DST: variants seen among roughly 807,000 people sequenced by gnomAD.
The protein encoded by DST is dystonin.
A neutral mutation model predicts 875.2 loss-of-function variants in DST; 253 were observed. That is an observed-to-expected ratio of 0.29 (90% CI 0.26 to 0.32). The LOEUF is 0.32. Among genes scored for constraint, DST ranks in the 10% least tolerant of loss-of-function variants. DST has a pLI of 1.00. For missense variants in DST, 8,287 were observed against 9,111.6 expected, an observed-to-expected ratio of 0.91 and a Z score of 3.68; for synonymous variants, 3,124 against 3,197.1, an observed-to-expected ratio of 0.98 and a Z score of 0.77.
chr6:56,594,151 T>C lies in DST; in HGVS notation c.12238A>G (p.Ile4080Val), dbSNP rs200855949. 9.2e-5 allele frequency: 145 copies of C among 1,572,218 alleles called. No individual in the cohort carries two copies. In the Middle Eastern group the frequency reaches 1.2e-3, roughly 13 times the overall value. ...AACACTTGTGCAGACTGAGTGGCTA[T>C]GATCACTGCTTGGTGCTGAGAGATG... ...KIISQHQAVI[I>V]ATQSAQVLLE... is the part of the protein sequence containing the mutation. Residue 4080 changes from isoleucine (I) to valine (V), a missense_variant, in exon 48 of 104, where the codon ATA becomes GTA. Physicochemically the swap from Ile to Val is conservative, Grantham distance 29. Coordinates refer to ENST00000680361, the MANE Select transcript of DST (RefSeq NM_001374736.1).
intron 9 of DST, among the ~76,000 whole-genome samples, chr6:56,694,038 C>CAT (rs558152876): frequency 0.022 from 3,234 of 146,818 alleles, 96 homozygotes; most frequent in African/African-American, 0.071. Flanking sequence ...TATGTGCATT[C>CAT]ATATATATAT....
Position 56,487,177 on chromosome 6 carries a change from T to C in DST, c.20974A>G (p.Asn6992Asp). The C allele has an allele frequency of 6.2e-7, 1 of 1,613,962 alleles. No individual in the cohort carries two copies. The highest frequency in any genetic ancestry group is 8.5e-7 in the Non-Finnish European group (1 of 1,179,844). Residue 6992 changes from asparagine (N) to aspartate (D), a missense_variant, in exon 87 of 104, where the codon AAC (asparagine) becomes GAC (aspartate). Around this residue, in one of 10 missense-constraint regions of DST, gnomAD observed 1,292 missense variants for 1,552.7 expected, o/e 0.83. Coordinates refer to ENST00000680361, the MANE Select transcript of DST (RefSeq NM_001374736.1). The part of the protein sequence containing the change: ...LKEKTSLADD[N>D]LKLDDMLSEL... ...CTCAGCATGTCATCCAGTTTCAGGT[T>C]GTCATCAGCCAGGGAGGTTTTCTCC... is the stretch of plus-strand genomic sequence containing the variant.
intron 10 of DST, chr6:56,670,399 C>A: frequency 3.5e-6 from 1 of 284,962 alleles, no homozygotes; most frequent in Non-Finnish European, 6.4e-6. Context: ...GGGTTTTACC[C>A]TTTTGCCAAG....
rs2099388604 is a variant in DST at position 56,714,620 on chromosome 6, C to T, written c.688-10251G>A. ...AGGTAACACCTAGCAAATCAGGGGC[C>T]ACACTTCTGAAAGTGAACCACATAA... On this transcript the variant is annotated intron_variant, in intron 5 of 103. Transcript: ENST00000680361. The surrounding 1 kb of genome is among the most constrained non-coding windows in gnomAD (Gnocchi z 4.5). 6.6e-6 allele frequency among the ~76,000 whole-genome samples: 1 copy of T among 152,178 alleles called. No individual in the cohort carries two copies. Among genetic ancestry groups the T allele is most frequent in the Admixed American group, 6.5e-5 (1 of 15,274 alleles).
chr6:56,845,660 A>C (rs922744793), intron 4 of DST, among the ~76,000 whole-genome samples: 1 of 152,242 alleles, frequency 6.6e-6, no homozygotes, highest in African/African-American at 2.4e-5. Context: ...AAAGTCATTC[A>C]TTTACAGACC....
intron 40 of DST, 51 bp downstream of exon 40, chr6:56,603,786 C>T: frequency 6.3e-7 from 1 of 1,581,858 alleles, no homozygotes. Flanking sequence ...TGGGATTATT[C>T]TCACATGGTT....
At chr6:56,697,878 T>C (rs982987539) in intron 9 of DST, among the ~76,000 whole-genome samples, 2 of 152,234 alleles carry the variant, frequency 1.3e-5, no homozygotes, top group Non-Finnish European at 2.9e-5. Context: ...GAACTCCATA[T>C]GAAATCAACT....
intron 4 of DST, among the ~76,000 whole-genome samples, chr6:56,746,348 T>C (rs1371217325): frequency 6.6e-6 from 1 of 152,188 alleles, no homozygotes; most frequent in Non-Finnish European, 1.5e-5. Flanking sequence ...ATATACTTTC[T>C]GAACCAATAA....
rs1027584353 is a variant in DST at position 56,517,703 on chromosome 6, C to T, written c.18130-83G>A. 10 of 1,445,042 alleles carry T rather than the reference C, an allele frequency of 6.9e-6. No individual in the cohort carries two copies. In the African/African-American group the frequency reaches 7.2e-5, roughly 10 times the overall value. The allele number at this position is 1,445,042 out of a possible 1,614,324, so 89.5% of individuals were successfully genotyped here. A position where few individuals can be genotyped will look rare whatever the true frequency, so the allele number is the denominator to read the frequency against. ...CCTATCTACAGTTCTTTGAAATATC[C>T]TTATTACACAAGTGGAAAATCCGAG... On this transcript the variant is annotated intron_variant, in intron 69 of 103. Coordinates refer to ENST00000680361, the MANE Select transcript of DST (RefSeq NM_001374736.1).
intron 5 of DST, among the ~76,000 whole-genome samples, chr6:56,709,592 C>A (rs1308684940): frequency 3.9e-5 from 6 of 152,168 alleles, no homozygotes; most frequent in Non-Finnish European, 8.8e-5. Context: ...ATTATTTAAA[C>A]TTATTACTAT....
At chr6:56,951,277 A>G (rs1406298864) in intron 2 of DST, among the ~76,000 whole-genome samples, 1 of 152,232 alleles carries the variant, frequency 6.6e-6, no homozygotes, top group Non-Finnish European at 1.5e-5. Context: ...TCCTTTGACC[A>G]TGGTAGAAAT....
At chr6:56,670,389 G>C (rs1032087305) in intron 10 of DST, 4 of 260,734 alleles carry the variant, frequency 1.5e-5, no homozygotes, top group Non-Finnish European at 2.9e-5. Context: ...TGTAGAGAGA[G>C]GGTTTTACCC....
chr6:56,885,399 G>A (rs1784277332), intron 3 of DST, among the ~76,000 whole-genome samples: 1 of 152,180 alleles, frequency 6.6e-6, no homozygotes, highest in African/African-American at 2.4e-5. Context: ...CTACCATACT[G>A]TTTTCTATAG....
chr6:56,487,912 T>C lies in DST; in HGVS notation c.20878-639A>G, dbSNP rs1385011051. 3.3e-5 allele frequency among the ~76,000 whole-genome samples: 5 copies of C among 152,292 alleles called. No individual in the cohort carries two copies. The East Asian group carries it at 5.8e-4, about 18-fold the overall frequency. ...TCTCAATCCTTGTAGCAAATTAAAA[T>C]TACCCTAGATAGTAAAATGCTATGC... On this transcript the variant is annotated intron_variant, in intron 86 of 103. Coordinates refer to ENST00000680361, the MANE Select transcript of DST (RefSeq NM_001374736.1).
intron 49 of DST, among the ~76,000 whole-genome samples, chr6:56,588,274 C>A (rs1395463792): frequency 1.3e-5 from 2 of 152,190 alleles, no homozygotes; most frequent in African/African-American, 4.8e-5. Context: ...ATGTCTAACA[C>A]AGCTATTTCT....
At chr6:56,491,070 G>A (rs1304704568) in intron 85 of DST, among the ~76,000 whole-genome samples, 1 of 152,208 alleles carries the variant, frequency 6.6e-6, no homozygotes, top group Non-Finnish European at 1.5e-5. Context: ...AGAGAAAACT[G>A]TCAGGCTGAG....
chr6:56,874,099 A>G (rs1489636291), intron 3 of DST, among the ~76,000 whole-genome samples: 1 of 152,218 alleles, frequency 6.6e-6, no homozygotes, highest in African/African-American at 2.4e-5. Flanking sequence ...TGGGCAACAC[A>G]GAGAGACCCT....
intron 62 of DST, among the ~76,000 whole-genome samples, chr6:56,535,593 G>A (rs368453987): frequency 6.6e-6 from 1 of 152,038 alleles, no homozygotes; most frequent in African/African-American, 2.4e-5. Context: ...AAATATTTTA[G>A]AGTTATCGTA....
At chr6:56,778,845 C>T (rs1009408889) in intron 4 of DST, among the ~76,000 whole-genome samples, 1 of 151,912 alleles carries the variant, frequency 6.6e-6, no homozygotes. Flanking sequence ...AATAAACATA[C>T]GTGTGCATGT....
Sources: gnomAD v4.1 joint callset for allele counts (sites outside exome capture counted in the v4.1 genomes callset) on GRCh38, gnomAD v4.1.1 for gene constraint, gnomAD v4.1.1 regional missense constraint, Gnocchi (gnomAD v3.1) non-coding constraint, MANE v1.5 for transcripts, NCBI Gene and HGNC (gene_info 2026-07-23, HGNC 2026-07-21) for gene names.